CDK5RAP1: variants seen among roughly 807,000 people sequenced by gnomAD.
CDK5RAP1 encodes mitochondrial tRNA methylthiotransferase CDK5RAP1.
A neutral mutation model predicts 64.5 loss-of-function variants in CDK5RAP1; 62 were observed. That is an observed-to-expected ratio of 0.96 (90% confidence interval 0.78 to 1.19). CDK5RAP1 has a LOEUF of 1.19. CDK5RAP1 is among the 50% of genes most tolerant of loss of function. The pLI is 0.00. For synonymous variants in CDK5RAP1, 250 were observed against 261.9 expected (o/e 0.95, Z 0.44); for missense variants, 657 against 735.0 (o/e 0.89, Z 1.23).
rs1474557259 is a variant in CDK5RAP1, at chr20:33,379,696, A to C, written c.877-5T>G. On this transcript the variant is annotated splice_region_variant and splice_polypyrimidine_tract_variant and intron_variant, in intron 7 of 13. Coordinates refer to ENST00000346416, the MANE Select transcript of CDK5RAP1 (RefSeq NM_016408.4). ...AAGTGTCACTTCTTTCAGCCCCTAAACATGGGAAAATATATTGGAATTTTA... is the reference window on the plus strand; with the variant it reads ...AAGTGTCACTTCTTTCAGCCCCTAACCATGGGAAAATATATTGGAATTTTA... The C allele has an allele frequency of 2.5e-6, 4 of 1,602,032 alleles. No homozygotes were observed. The highest frequency in any genetic ancestry group is 3.4e-6 in the Non-Finnish European group (4 of 1,169,952).
intron 8 of CDK5RAP1, among the ~76,000 whole-genome samples, chr20:33,378,476 T>C (rs1488875363): frequency 1.3e-5 from 2 of 152,164 alleles, no homozygotes; most frequent in Non-Finnish European, 2.9e-5. Context: ...TACCAAAATA[T>C]GACACAGAGA....
At position 33,387,530 on chromosome 20, in the gene CDK5RAP1, C is replaced by T. The variant is rs1600778493; in HGVS notation, c.548G>A (p.Cys183Tyr). The T allele has an allele frequency of 6.2e-7, 1 of 1,613,496 alleles. No homozygotes were observed. Among genetic ancestry groups the T allele is most frequent in the Non-Finnish European group, 8.5e-7 (1 of 1,179,474 alleles). ...RVPLRIGILG[C>Y]MAERLKEEIL... ...CTCCTCCTTCAACCTCTCAGCCATG[C>T]AGCCTGGAAGGGAAAAAGAAACAAG... is the stretch of plus-strand genomic sequence containing the variant. The change falls in exon 6 of 14, where the codon TGC (cysteine) becomes TAC (tyrosine). Residue 183 changes from cysteine to tyrosine, a missense_variant. Transcript: ENST00000346416.
At chr20:33,359,251 T>C in intron 13 of CDK5RAP1, 128 bp from the exon 14 acceptor site, 2 of 664,192 alleles carry the variant, frequency 3.0e-6, no homozygotes, top group Non-Finnish European at 5.3e-6. Context: ...AGAGACCACA[T>C]GGCTCCTGTG....
rs746810667 is a variant in CDK5RAP1, at chr20:33,374,137, C to T, written c.1183G>A (p.Val395Met). The change falls in exon 9 of 14, where the codon GTG (valine) becomes ATG (methionine). Residue 395 changes from valine to methionine, a missense_variant. Val to Met is a conservative substitution (Grantham distance 21). Coordinates refer to ENST00000346416, the MANE Select transcript of CDK5RAP1 (RefSeq NM_016408.4). ...GACCCCCTCCGCATGGCCTCCAACA[C>T]ACGGCTGCTTCCACTCTGGGCTGGC... ...HLPAQSGSSR[V>M]LEAMRRGYSR... The T allele has an allele frequency of 3.1e-6, 5 of 1,613,808 alleles. No individual in the cohort carries two copies. The African/African-American group carries it at 6.7e-5, about 22-fold the overall frequency.
intron 7 of CDK5RAP1, among the ~76,000 whole-genome samples, chr20:33,381,753 T>C (rs1986778221): frequency 6.6e-6 from 1 of 152,114 alleles, no homozygotes; most frequent in South Asian, 2.1e-4. Context: ...ATAACATTTT[T>C]TTCCCTGATC....
intron 4 of CDK5RAP1, among the ~76,000 whole-genome samples, chr20:33,392,462 ATTT>A (rs1202756640): frequency 4.9e-4 from 58 of 118,970 alleles, no homozygotes; most frequent in African/African-American, 9.9e-4. Context: ...TTTGGGGGGG[ATTT>A]TTTTTTTTTT....
At chr20:33,389,957 A>G (rs1988114897) in intron 5 of CDK5RAP1, among the ~76,000 whole-genome samples, 1 of 150,120 alleles carries the variant, frequency 6.7e-6, no homozygotes, top group Non-Finnish European at 1.5e-5. Flanking sequence ...TTTTTTTACA[A>G]CGGAGTATTA....
intron 3 of CDK5RAP1, among the ~76,000 whole-genome samples, chr20:33,394,558 T>C (rs989226728): frequency 4.0e-5 from 6 of 151,498 alleles, no homozygotes; most frequent in Non-Finnish European, 8.8e-5. Context: ...CATAGCTCAC[T>C]GCAGCCTCAA....
rs1989412222 is a variant in CDK5RAP1, at chr20:33,401,465, T to A, written c.-58A>T. ...CAACAGTGCCCGGGGTCCCGCAGCG[T>A]AAGTTCTGCCGGCAAGTCGGATCCC... On this transcript the variant is annotated 5_prime_UTR_variant, in exon 1 of 14. Transcript: ENST00000346416. 1.0e-6 allele frequency: 1 copy of A among 985,452 alleles called. No homozygotes were observed. 61.0% of individuals were successfully genotyped at this position (985,452 alleles called of 1,614,324 possible). A position where few individuals can be genotyped will look rare whatever the true frequency, so the allele number is the denominator to read the frequency against.
intron 7 of CDK5RAP1, among the ~76,000 whole-genome samples, chr20:33,385,234 G>A (rs970386706): frequency 2.0e-5 from 3 of 152,164 alleles, no homozygotes; most frequent in East Asian, 1.9e-4. Flanking sequence ...AGTTTTTCCT[G>A]GAAGAGACAA....
intron 9 of CDK5RAP1, chr20:33,373,222 A>ATGTGTGTG (rs3050556): frequency 7.7e-6 from 1 of 129,622 alleles, no homozygotes; most frequent in Non-Finnish European, 1.6e-5. Context: ...AGGTGTGTGC[A>ATGTGTGTG]TGTGTGTGTG....
At chr20:33,390,094 T>C (rs1336834685) in intron 5 of CDK5RAP1, among the ~76,000 whole-genome samples, 1 of 151,654 alleles carries the variant, frequency 6.6e-6, no homozygotes, top group African/African-American at 2.4e-5. Flanking sequence ...CCTGGCAACA[T>C]AGTGAGACCC....
At chr20:33,374,360 C>T (rs549057724) in intron 8 of CDK5RAP1, 148 bp from the exon 9 acceptor site, 33 of 616,326 alleles carry the variant, frequency 5.4e-5, no homozygotes, top group Admixed American at 2.0e-4. Context: ...CACCTATTCC[C>T]TAACTTTTGT....
chr20:33,392,016 G>GA (rs1988375881), intron 5 of CDK5RAP1, 126 bp downstream of exon 5: 3 of 653,694 alleles, frequency 4.6e-6, no homozygotes, highest in Non-Finnish European at 8.2e-6. Context: ...GTAAGTACAA[G>GA]AATTGCATGG....
chr20:33,388,613 G>A (rs1310695590), intron 5 of CDK5RAP1, among the ~76,000 whole-genome samples: 8 of 125,694 alleles, frequency 6.4e-5, no homozygotes, highest in East Asian at 2.7e-4. Flanking sequence ...CACAGTCTCC[G>A]TCTCCCTCTC....
At chr20:33,382,977 T>TCC (rs1986958054) in intron 7 of CDK5RAP1, among the ~76,000 whole-genome samples, 1 of 151,658 alleles carries the variant, frequency 6.6e-6, no homozygotes, top group African/African-American at 2.4e-5. Context: ...GGTCAGGAGT[T>TCC]TGAGACTAAG....
At chr20:33,396,318 G>A (rs6059298) in intron 2 of CDK5RAP1, among the ~76,000 whole-genome samples, 22,486 of 152,020 alleles carry the variant, frequency 0.15, 2,034 homozygotes, top group East Asian at 0.39. Context: ...ATCAACCCCC[G>A]TCCCCACCAG....
At chr20:33,363,493 T>A (rs969524673) in intron 12 of CDK5RAP1, among the ~76,000 whole-genome samples, 30 of 152,128 alleles carry the variant, frequency 2.0e-4, no homozygotes, top group Non-Finnish European at 4.1e-4. Flanking sequence ...TTTGGGGACA[T>A]CAGGGCAGCA....
At chr20:33,367,485 T>C (rs1010266020) in intron 11 of CDK5RAP1, among the ~76,000 whole-genome samples, 1 of 152,234 alleles carries the variant, frequency 6.6e-6, no homozygotes, top group South Asian at 2.1e-4. Flanking sequence ...CAAAATCTAC[T>C]GTTACTTGAA....
Sources: gnomAD v4.1 joint callset for allele counts (sites outside exome capture counted in the v4.1 genomes callset) on GRCh38, gnomAD v4.1.1 for gene constraint, MANE v1.5 for transcripts, NCBI Gene and HGNC (gene_info 2026-07-23, HGNC 2026-07-21) for gene names.